The following XRCC4 variants were observed in gnomAD, a reference collection of about 807,000 sequenced individuals.
XRCC4 encodes DNA repair protein XRCC4.
In XRCC4, 28 loss-of-function variants were observed where a neutral mutation model predicts 39.1. The observed-to-expected ratio is 0.72, with a 90% CI of 0.53 to 0.98. The LOEUF (loss-of-function observed/expected upper bound fraction) is 0.98. XRCC4 is among the 50% of genes least tolerant of loss of function. The pLI, the probability that XRCC4 is intolerant of heterozygous loss-of-function variation, is 0.00. For synonymous variants in XRCC4, 123 were observed against 126.4 expected (o/e 0.97, Z 0.18); for missense variants, 350 against 376.4 (o/e 0.93, Z 0.58).
At chr5:83,200,102 A>G (rs962258945) in intron 4 of XRCC4, among the ~76,000 whole-genome samples, 1 of 152,206 alleles carries the variant, frequency 6.6e-6, no homozygotes, top group Non-Finnish European at 1.5e-5. Flanking sequence ...GAAGCACGTA[A>G]TGGAATGCAT....
rs530999901 is a variant in XRCC4 at position 83,283,289 on chromosome 5, G to A, written c.893+24612G>A. 9.9e-5 allele frequency among the ~76,000 whole-genome samples: 15 copies of A among 152,182 alleles called. No individual in the cohort carries two copies. The South Asian group carries it at 3.1e-3, about 32-fold the overall frequency. On this transcript the variant is annotated intron_variant, in intron 7 of 7. Coordinates refer to ENST00000396027, the MANE Select transcript of XRCC4 (RefSeq NM_003401.5). ...TATGTCCAAAATGTTTCACTTTGTCGAAGCTAGAGCTGGGACCTCATGGTC... is the reference window on the plus strand; with the variant it reads ...TATGTCCAAAATGTTTCACTTTGTCAAAGCTAGAGCTGGGACCTCATGGTC...
intron 3 of XRCC4, 35 bp downstream of exon 3, chr5:83,111,238 A>T (rs1198306851): frequency 6.7e-7 from 1 of 1,493,304 alleles, no homozygotes. Context: ...ACATAGTAAA[A>T]TGTCAGAGCA....
At chr5:83,362,294 CAAA>C in the XRCC4 span, among the ~76,000 whole-genome samples, 698 of 73,144 alleles carry the variant, frequency 9.5e-3, 8 homozygotes, top group African/African-American at 0.033. Context: ...GCTATTTAGG[CAAA>C]AAAAAAAAAA....
chr5:83,110,696 T>C (rs1177716346), intron 2 of XRCC4, among the ~76,000 whole-genome samples: 1 of 152,074 alleles, frequency 6.6e-6, no homozygotes, highest in African/African-American at 2.4e-5. Context: ...TTATTATTCA[T>C]TGTAGGAAAT....
chr5:83,241,483 A>G (rs1464763558), intron 6 of XRCC4, among the ~76,000 whole-genome samples: 1 of 152,152 alleles, frequency 6.6e-6, no homozygotes, highest in African/African-American at 2.4e-5. Flanking sequence ...CAGTTCACTG[A>G]TCTTTTTTTT....
intron 6 of XRCC4, among the ~76,000 whole-genome samples, chr5:83,232,231 A>G (rs147914994): frequency 5.3e-5 from 8 of 152,188 alleles, no homozygotes; most frequent in African/African-American, 1.9e-4. Flanking sequence ...AATTTTCTTC[A>G]TTCCTAATAA....
chr5:83,369,732 T>C, the XRCC4 span, among the ~76,000 whole-genome samples: 130 of 152,328 alleles, frequency 8.5e-4, no homozygotes, highest in African/African-American at 3.1e-3. Flanking sequence ...GGTGTCCTTT[T>C]GGTGGAATAA....
downstream of XRCC4, among the ~76,000 whole-genome samples, chr5:83,357,730 C>T (rs1159859842): frequency 6.6e-6 from 1 of 152,160 alleles, no homozygotes; most frequent in East Asian, 1.9e-4. Flanking sequence ...AAGGTATGAG[C>T]TGCCAAAAAA....
At chr5:83,223,713 G>C (rs1752176232) in intron 6 of XRCC4, among the ~76,000 whole-genome samples, 1 of 151,618 alleles carries the variant, frequency 6.6e-6, no homozygotes, top group Admixed American at 6.6e-5. Flanking sequence ...TTAAGTTCTA[G>C]GGTACATGTG....
intron 3 of XRCC4, among the ~76,000 whole-genome samples, chr5:83,154,224 C>T (rs1580301280): frequency 6.6e-6 from 1 of 151,946 alleles, no homozygotes; most frequent in South Asian, 2.1e-4. Flanking sequence ...GTGAAGATGT[C>T]AATATGGAAT....
At chr5:83,288,651 A>G (rs1363986592) in intron 7 of XRCC4, among the ~76,000 whole-genome samples, 1 of 151,750 alleles carries the variant, frequency 6.6e-6, no homozygotes. Flanking sequence ...TCCACTGTAA[A>G]TCATACCTTG....
intron 3 of XRCC4, among the ~76,000 whole-genome samples, chr5:83,183,077 A>G (rs1191615760): frequency 2.0e-5 from 3 of 152,146 alleles, no homozygotes; most frequent in Non-Finnish European, 2.9e-5. Flanking sequence ...AAAGGCATTA[A>G]TTCATTGACT....
At chr5:83,285,647 C>T (rs1047662662) in intron 7 of XRCC4, among the ~76,000 whole-genome samples, 8 of 151,992 alleles carry the variant, frequency 5.3e-5, no homozygotes, top group African/African-American at 1.9e-4. Flanking sequence ...GGAAATATTC[C>T]ACAAAGATAA....
intron 3 of XRCC4, among the ~76,000 whole-genome samples, chr5:83,161,636 G>A (rs775076020): frequency 1.1e-4 from 16 of 152,134 alleles, no homozygotes; most frequent in Non-Finnish European, 2.4e-4. Context: ...AGATGTAACA[G>A]AATTAGTTGC....
chr5:83,342,081 AC>A (rs1421133656), intron 7 of XRCC4, among the ~76,000 whole-genome samples: 2 of 152,208 alleles, frequency 1.3e-5, no homozygotes, highest in Non-Finnish European at 1.5e-5. Flanking sequence ...AGCAAATGTC[AC>A]CTATGTGACT....
chr5:83,222,032 A>C (rs986385628), intron 6 of XRCC4, among the ~76,000 whole-genome samples: 2 of 151,322 alleles, frequency 1.3e-5, no homozygotes, highest in Non-Finnish European at 3.0e-5. Flanking sequence ...TTATCTTTTA[A>C]TTTTTTTTAC....
At chr5:83,094,534 C>T (rs1478282935) in intron 1 of XRCC4, among the ~76,000 whole-genome samples, 1 of 151,600 alleles carries the variant, frequency 6.6e-6, no homozygotes, top group Non-Finnish European at 1.5e-5. Context: ...GTTCAAGCTT[C>T]CTATTTCATT....
At chr5:83,314,557 T>C (rs1755815156) in intron 7 of XRCC4, among the ~76,000 whole-genome samples, 3 of 152,178 alleles carry the variant, frequency 2.0e-5, no homozygotes, top group Admixed American at 2.0e-4. Context: ...AAATTGAACA[T>C]CTCCGGCAAC....
At chr5:83,192,822 A>G (rs542720480) in intron 3 of XRCC4, among the ~76,000 whole-genome samples, 1 of 152,282 alleles carries the variant, frequency 6.6e-6, no homozygotes, top group Admixed American at 6.5e-5. Flanking sequence ...AATGTCTTTT[A>G]TATGTGGTTT....
Sources: gnomAD v4.1 joint callset for allele counts (sites outside exome capture counted in the v4.1 genomes callset) on GRCh38, gnomAD v4.1.1 for gene constraint, MANE v1.5 for transcripts, NCBI Gene and HGNC (gene_info 2026-07-23, HGNC 2026-07-21) for gene names.